Variants in MAP2K4 observed in about 807,000 individuals in gnomAD.
MAP2K4 encodes mitogen-activated protein kinase kinase 4.
Under a neutral mutation model 48.5 loss-of-function variants are expected in MAP2K4, and 4 were observed. The observed-to-expected ratio is 0.08, with a 90% CI of 0.04 to 0.19. MAP2K4 has a LOEUF of 0.19. MAP2K4 is among the 10% of genes least tolerant of loss of function. MAP2K4 has a pLI of 1.00. For synonymous variants in MAP2K4, 166 were observed against 173.1 expected (o/e 0.96, Z 0.32); for missense variants, 258 against 493.3 (o/e 0.52, Z 4.52).
chr17:12,117,172 C>T lies in MAP2K4; in HGVS notation c.813+3812C>T, dbSNP rs1972529042. Among the ~76,000 whole-genome samples, 4 of 152,012 alleles carry T rather than the reference C, an allele frequency of 2.6e-5. No individual in the cohort carries two copies. In the South Asian group the frequency reaches 8.3e-4, roughly 32 times the overall value. On this transcript the variant is annotated intron_variant, in intron 7 of 10. Transcript: ENST00000353533. The stretch of plus-strand genomic sequence containing the variant: ...TTCTAAACACTTCAGTGCATATCTC[C>T]CAAGAAAAAGACCATTCTTCTACAT...
At chr17:12,140,683 A>G (rs1304668119) in intron 10 of MAP2K4, among the ~76,000 whole-genome samples, 1 of 152,166 alleles carries the variant, frequency 6.6e-6, no homozygotes, top group East Asian at 1.9e-4. Flanking sequence ...AGAGGTCAAA[A>G]GGATTGCGAC....
intron 4 of MAP2K4, among the ~76,000 whole-genome samples, chr17:12,096,659 T>G (rs1472644851): frequency 3.3e-5 from 5 of 152,234 alleles, no homozygotes; most frequent in Admixed American, 6.5e-5. Context: ...TTATAGAGTG[T>G]ATCCTTGGGG....
At chr17:12,104,156 G>T (rs1229507579) in intron 4 of MAP2K4, among the ~76,000 whole-genome samples, 1 of 152,106 alleles carries the variant, frequency 6.6e-6, no homozygotes, top group Non-Finnish European at 1.5e-5. Context: ...ACTGTTAGTA[G>T]CTTGCTTACT....
At chr17:12,073,404 G>T (rs1046210101) in intron 2 of MAP2K4, among the ~76,000 whole-genome samples, 2 of 152,140 alleles carry the variant, frequency 1.3e-5, no homozygotes, top group African/African-American at 4.8e-5. Flanking sequence ...TTATATTGCT[G>T]TTATCAGTCC....
At chr17:12,079,425 T>C (rs1971119303) in intron 2 of MAP2K4, among the ~76,000 whole-genome samples, 2 of 152,318 alleles carry the variant, frequency 1.3e-5, no homozygotes, top group Non-Finnish European at 2.9e-5. Context: ...AGCAATGTAG[T>C]CATGAGAGTC....
At chr17:12,073,990 G>T (rs1470360352) in intron 2 of MAP2K4, among the ~76,000 whole-genome samples, 1 of 151,894 alleles carries the variant, frequency 6.6e-6, no homozygotes, top group Non-Finnish European at 1.5e-5. Context: ...GCCAAGCTGA[G>T]CTCAAACTCC....
At chr17:12,041,600 G>A (rs553656372) in intron 1 of MAP2K4, among the ~76,000 whole-genome samples, 1 of 152,138 alleles carries the variant, frequency 6.6e-6, no homozygotes, top group East Asian at 1.9e-4. Context: ...AAAGCTTCTG[G>A]TAACTTTTTC....
rs1389390633 is a variant in MAP2K4 at position 12,142,228 on chromosome 17, A to G, written c.*968A>G. The G allele has an allele frequency of 8.6e-6, 2 of 233,436 alleles. No homozygotes were observed. Among genetic ancestry groups the G allele is most frequent in the Non-Finnish European group, 1.7e-5 (2 of 117,938 alleles). The allele number at this position is 233,436 out of a possible 1,614,324, so 14.5% of individuals were successfully genotyped here. A position where few individuals can be genotyped will look rare whatever the true frequency, so the allele number is the denominator to read the frequency against. Reference sequence around the variant, plus strand: ...CAAGCCTGATACTTTAGCCATCATAACTCACTAACAGGGAGAAGTAGCTAG... The same window carrying G: ...CAAGCCTGATACTTTAGCCATCATAGCTCACTAACAGGGAGAAGTAGCTAG... On this transcript the variant is annotated 3_prime_UTR_variant, in exon 11 of 11. Coordinates refer to ENST00000353533, the MANE Select transcript of MAP2K4 (RefSeq NM_003010.4).
chr17:12,082,002 C>T (rs1971204876), intron 3 of MAP2K4: 2 of 524,634 alleles, frequency 3.8e-6, no homozygotes, highest in South Asian at 1.4e-5. Flanking sequence ...CGGTCCTGAC[C>T]GGCTCGGCTT....
At position 12,135,363 on chromosome 17, in the gene MAP2K4, C is replaced by T. The variant is rs547536480; in HGVS notation, c.1041-4476C>T. 2.2e-4 allele frequency among the ~76,000 whole-genome samples: 33 copies of T among 150,112 alleles called. No individual in the cohort carries two copies. The South Asian group carries it at 4.0e-3, about 18-fold the overall frequency. Reference sequence around the variant, plus strand: ...CCTCCCAAAGTGTTGGGATTACAGGCGCGAGCCACTGCGCCTGGCCCACCT... The same window carrying T: ...CCTCCCAAAGTGTTGGGATTACAGGTGCGAGCCACTGCGCCTGGCCCACCT... On this transcript the variant is annotated intron_variant, in intron 9 of 10. Coordinates refer to ENST00000353533, the MANE Select transcript of MAP2K4 (RefSeq NM_003010.4).
chr17:12,088,540 AAT>A (rs1567653661), intron 3 of MAP2K4, among the ~76,000 whole-genome samples: 13 of 70,504 alleles, frequency 1.8e-4, no homozygotes, highest in Non-Finnish European at 4.1e-4. Context: ...ATATATATTA[AAT>A]TATATCTAAT....
chr17:12,119,979 G>A (rs541312422), intron 7 of MAP2K4, among the ~76,000 whole-genome samples: 1 of 152,254 alleles, frequency 6.6e-6, no homozygotes, highest in Admixed American at 6.5e-5. Context: ...GACACAAAGA[G>A]CAACAAAACA....
chr17:12,054,782 T>C, intron 1 of MAP2K4, 107 bp from the exon 2 acceptor site: 1 of 632,550 alleles, frequency 1.6e-6, no homozygotes. Flanking sequence ...TATTAACTGT[T>C]TGTTAAAGCA....
intron 3 of MAP2K4, among the ~76,000 whole-genome samples, chr17:12,083,397 A>T (rs1030847303): frequency 6.6e-6 from 1 of 152,204 alleles, no homozygotes; most frequent in Non-Finnish European, 1.5e-5. Flanking sequence ...TCCAGTTGGG[A>T]TGCTATTAAA....
Position 12,116,817 on chromosome 17 carries a change from A to G in MAP2K4, c.813+3457A>G, listed in dbSNP as rs547763496. Reference sequence around the variant, plus strand: ...CTGAAAGACCTGCCAGAAGCTGTTGATAACTTTTTTTTAAATAAGTAGAAG... The same window carrying G: ...CTGAAAGACCTGCCAGAAGCTGTTGGTAACTTTTTTTTAAATAAGTAGAAG... On this transcript the variant is annotated intron_variant, in intron 7 of 10. Coordinates refer to ENST00000353533, the MANE Select transcript of MAP2K4 (RefSeq NM_003010.4). 2.0e-4 allele frequency among the ~76,000 whole-genome samples: 30 copies of G among 152,284 alleles called. No homozygotes were observed. The South Asian group carries it at 6.0e-3, about 31-fold the overall frequency.
chr17:12,120,169 A>G (rs1209312695), intron 7 of MAP2K4, among the ~76,000 whole-genome samples: 1 of 152,196 alleles, frequency 6.6e-6, no homozygotes. Context: ...TTTAAAAAAA[A>G]TAAAAATTAG....
chr17:12,054,477 A>T (rs942426874), intron 1 of MAP2K4, among the ~76,000 whole-genome samples: 7 of 152,248 alleles, frequency 4.6e-5, no homozygotes, highest in African/African-American at 1.7e-4. Flanking sequence ...TGTTGTTTAT[A>T]TTCATTAAAA....
intron 1 of MAP2K4, among the ~76,000 whole-genome samples, chr17:12,024,754 A>G (rs1195777473): frequency 1.3e-5 from 2 of 152,166 alleles, no homozygotes; most frequent in Non-Finnish European, 2.9e-5. Flanking sequence ...TTCTGTGGAA[A>G]AGTATTATTC....
Position 12,141,342 on chromosome 17 carries a change from T to C in MAP2K4, c.*82T>C, listed in dbSNP as rs1217388804. 2 of 971,774 alleles carry C rather than the reference T, an allele frequency of 2.1e-6. No individual in the cohort carries two copies. The highest frequency in any genetic ancestry group is 4.8e-5 in the East Asian group (2 of 41,778). 60.2% of individuals were successfully genotyped at this position (971,774 alleles called of 1,614,324 possible). A position where few individuals can be genotyped will look rare whatever the true frequency, so the allele number is the denominator to read the frequency against. On this transcript the variant is annotated 3_prime_UTR_variant, in exon 11 of 11. Transcript: ENST00000353533. ...AATTTTCATCCCGTATCACAGTGTT[T>C]TTATTGCTCGCCCAGACACCATGTG... is the stretch of plus-strand genomic sequence containing the variant.
Sources: gnomAD v4.1 joint callset for allele counts (sites outside exome capture counted in the v4.1 genomes callset) on GRCh38, gnomAD v4.1.1 for gene constraint, MANE v1.5 for transcripts, NCBI Gene and HGNC (gene_info 2026-07-23, HGNC 2026-07-21) for gene names.